Variants in UGGT2 observed in about 807,000 individuals in gnomAD.
UGGT2 encodes the protein UDP-glucose glycoprotein glucosyltransferase 2.
A neutral mutation model predicts 192.1 loss-of-function variants in UGGT2; 180 were observed. The ratio of observed to expected loss-of-function variants is 0.94; its 90% confidence interval spans 0.83 to 1.06. The LOEUF is 1.06. Ranked by LOEUF, UGGT2 falls within the 50% of genes least tolerant of loss-of-function variation. The pLI, the probability that UGGT2 is intolerant of heterozygous loss-of-function variation, is 0.00. For missense variants in UGGT2, 1,849 were observed against 1,795.7 expected (o/e 1.03, Z -0.54); for synonymous variants, 580 against 591.0 (o/e 0.98, Z 0.27).
At chr13:95,901,155 T>G (rs562514732) in intron 21 of UGGT2, among the ~76,000 whole-genome samples, 2 of 152,236 alleles carry the variant, frequency 1.3e-5, no homozygotes, top group East Asian at 3.9e-4. Flanking sequence ...TGATACAGTT[T>G]GCTATTCATT....
At chr13:95,959,003 C>T (rs142025501) in intron 12 of UGGT2, among the ~76,000 whole-genome samples, 5 of 152,314 alleles carry the variant, frequency 3.3e-5, no homozygotes, top group Middle Eastern at 3.4e-3. Flanking sequence ...GGAGCTCATG[C>T]CCAGTCCCAC....
chr13:95,972,752 A>G (rs894162535), intron 10 of UGGT2, 81 bp from the exon 11 acceptor site: 1 of 1,059,604 alleles, frequency 9.4e-7, no homozygotes, highest in South Asian at 1.4e-5. Context: ...TATTTCTATA[A>G]AGAGTCAGAG....
At chr13:95,806,262 G>A (rs2139729019) in intron 38 of UGGT2, among the ~76,000 whole-genome samples, 1 of 152,256 alleles carries the variant, frequency 6.6e-6, no homozygotes, top group Admixed American at 6.5e-5. Context: ...GCAGGAATAT[G>A]GGTAGCCTGG....
chr13:95,802,261 AT>A, intron 38 of UGGT2, among the ~76,000 whole-genome samples: 1 of 152,364 alleles, frequency 6.6e-6, no homozygotes, highest in East Asian at 1.9e-4. Flanking sequence ...TGACATAGAC[AT>A]AAGTACTACA....
intron 2 of UGGT2, among the ~76,000 whole-genome samples, chr13:96,027,278 TCATCAAGGTCAC>T (rs2052698108): frequency 6.6e-6 from 1 of 152,160 alleles, no homozygotes; most frequent in African/African-American, 2.4e-5. Context: ...ATACCAAATT[TCATCAAGGTCAC>T]CATCAAGGTT....
chr13:95,986,728 TA>T (rs1414587915), intron 8 of UGGT2, among the ~76,000 whole-genome samples: 2 of 152,060 alleles, frequency 1.3e-5, no homozygotes, highest in Admixed American at 1.3e-4. Flanking sequence ...TTTCTATACT[TA>T]AATGAAACAT....
At chr13:95,908,137 G>T (rs2048353133) in intron 20 of UGGT2, among the ~76,000 whole-genome samples, 1 of 152,166 alleles carries the variant, frequency 6.6e-6, no homozygotes, top group Non-Finnish European at 1.5e-5. Context: ...TCAAGTGGAA[G>T]AAAGGGTATC....
chr13:95,818,019 CA>C (rs1885082014), intron 38 of UGGT2, among the ~76,000 whole-genome samples: 1 of 152,044 alleles, frequency 6.6e-6, no homozygotes, highest in South Asian at 2.1e-4. Context: ...TGCATAGCAC[CA>C]AAAATACCCT....
chr13:95,844,457 A>C (rs1566577916), intron 36 of UGGT2, among the ~76,000 whole-genome samples: 1 of 152,198 alleles, frequency 6.6e-6, no homozygotes, highest in Non-Finnish European at 1.5e-5. Flanking sequence ...AACAAGGTAT[A>C]TCTCTCTAAA....
intron 17 of UGGT2, among the ~76,000 whole-genome samples, chr13:95,936,468 C>T (rs1021462870): frequency 1.3e-5 from 2 of 152,214 alleles, no homozygotes; most frequent in Non-Finnish European, 2.9e-5. Flanking sequence ...GGCCTCCCTG[C>T]TCAGACATGG....
rs773431126 is a variant in UGGT2 at position 95,900,852 on chromosome 13, T to C, written c.2589A>G (p.Val863=). The change falls in exon 22 of 39, where the codon GTA becomes GTG. Residue 863 remains valine, a synonymous_variant. Coordinates refer to ENST00000376747, the MANE Select transcript of UGGT2 (RefSeq NM_020121.4). Reference sequence around the variant, plus strand: ...CCATTTCTCCAGGACGTAATTTAAGTACATCTTGACAGAACAACTGGTGAG... The same window carrying C: ...CCATTTCTCCAGGACGTAATTTAAGCACATCTTGACAGAACAACTGGTGAG... ...FRTHQLFCQD[V]LKLRPGEMGI... 7 of 1,611,636 alleles carry C rather than the reference T, an allele frequency of 4.3e-6. No individual in the cohort carries two copies. In the East Asian group the frequency reaches 1.6e-4, roughly 36 times the overall value.
At chr13:95,832,827 T>G in intron 38 of UGGT2, 100 bp downstream of exon 38, 1 of 1,523,156 alleles carries the variant, frequency 6.6e-7, no homozygotes, top group Non-Finnish European at 8.9e-7. Context: ...AAAGAAATTC[T>G]TAATCATTTT....
intron 33 of UGGT2, among the ~76,000 whole-genome samples, chr13:95,859,054 C>T (rs1286480176): frequency 1.3e-5 from 2 of 152,118 alleles, no homozygotes; most frequent in Admixed American, 6.6e-5. Flanking sequence ...ACAGAGTATA[C>T]TTTGTAGCAG....
At chr13:95,834,305 G>A (rs550355527) in intron 37 of UGGT2, among the ~76,000 whole-genome samples, 64 of 152,100 alleles carry the variant, frequency 4.2e-4, no homozygotes, top group African/African-American at 1.3e-3. Context: ...CATGCCCCTC[G>A]GGGAGCTTTG....
intron 36 of UGGT2, among the ~76,000 whole-genome samples, chr13:95,843,232 T>G (rs1445615930): frequency 6.6e-6 from 1 of 152,228 alleles, no homozygotes; most frequent in Non-Finnish European, 1.5e-5. Flanking sequence ...TACACTCATT[T>G]TCACAAGCAA....
chr13:96,042,995 A>G (rs2053209634), intron 1 of UGGT2, among the ~76,000 whole-genome samples: 1 of 152,208 alleles, frequency 6.6e-6, no homozygotes, highest in Admixed American at 6.5e-5. Context: ...AGACATCCAA[A>G]TACAAGAAGC....
intron 4 of UGGT2, among the ~76,000 whole-genome samples, chr13:96,016,484 C>T (rs963102775): frequency 3.3e-5 from 5 of 152,210 alleles, no homozygotes; most frequent in East Asian, 3.9e-4. Context: ...GTTCCAGCCT[C>T]GGCTCAAAGG....
intron 29 of UGGT2, among the ~76,000 whole-genome samples, chr13:95,870,065 T>C (rs1161356913): frequency 2.0e-5 from 3 of 152,238 alleles, no homozygotes; most frequent in African/African-American, 7.2e-5. Flanking sequence ...TCAAGCATTC[T>C]GAATAAAATT....
intron 1 of UGGT2, among the ~76,000 whole-genome samples, chr13:96,050,889 G>A (rs2053465746): frequency 6.6e-6 from 1 of 152,326 alleles, no homozygotes; most frequent in East Asian, 1.9e-4. Flanking sequence ...TGGTGGGACT[G>A]TAAACTAGTT....
Sources: gnomAD v4.1 joint callset for allele counts (sites outside exome capture counted in the v4.1 genomes callset) on GRCh38, gnomAD v4.1.1 for gene constraint, MANE v1.5 for transcripts, NCBI Gene and HGNC (gene_info 2026-07-23, HGNC 2026-07-21) for gene names.